DLG1: variants seen among roughly 807,000 people sequenced by gnomAD.
The protein encoded by DLG1 is disks large homolog 1.
Under a neutral mutation model 123.4 loss-of-function variants are expected in DLG1, and 42 were observed. The ratio of observed to expected loss-of-function variants is 0.34; its 90% CI spans 0.27 to 0.44. The LOEUF (loss-of-function observed/expected upper bound fraction) is 0.44, where lower values mean the gene tolerates loss of function less well. DLG1 is among the 20% of genes least tolerant of loss of function. The pLI is 1.00. For missense variants in DLG1, 942 were observed against 1,082.6 expected (o/e 0.87, Z 1.82); for synonymous variants, 317 against 356.2 (o/e 0.89, Z 1.24).
At chr3:197,235,856 A>C (rs968057426) in intron 4 of DLG1, among the ~76,000 whole-genome samples, 9 of 152,222 alleles carry the variant, frequency 5.9e-5, no homozygotes, top group African/African-American at 1.2e-4. Context: ...ATAAAAACTC[A>C]AAAACACTCA....
At chr3:197,106,243 T>C (rs1766271355) in intron 13 of DLG1, among the ~76,000 whole-genome samples, 1 of 152,106 alleles carries the variant, frequency 6.6e-6, no homozygotes, top group Non-Finnish European at 1.5e-5. Context: ...CTGTCTCTAC[T>C]AAAAATACAA....
chr3:197,261,447 A>G (rs982654576), intron 4 of DLG1, among the ~76,000 whole-genome samples: 1 of 152,172 alleles, frequency 6.6e-6, no homozygotes, highest in Admixed American at 6.5e-5. Context: ...GTCTGTAAAA[A>G]CCTTTAAAAT....
chr3:197,105,081 G>T, intron 13 of DLG1, 76 bp from the exon 14 acceptor site: 1 of 899,294 alleles, frequency 1.1e-6, no homozygotes, highest in Non-Finnish European at 1.7e-6. Flanking sequence ...TATTCTTTGA[G>T]TAAGCATGTA....
chr3:197,298,655 G>A, upstream of DLG1: 1 of 174,968 alleles, frequency 5.7e-6, no homozygotes, highest in East Asian at 1.4e-4. Context: ...GGAGCCAACT[G>A]CACCTCCCAG....
intron 4 of DLG1, among the ~76,000 whole-genome samples, chr3:197,268,304 C>T (rs1169568190): frequency 6.6e-6 from 1 of 152,198 alleles, no homozygotes; most frequent in Non-Finnish European, 1.5e-5. Context: ...ATGTGACATA[C>T]TTAAGCTTTC....
chr3:197,069,906 G>A (rs768194345), intron 18 of DLG1: 5 of 152,130 alleles, frequency 3.3e-5, no homozygotes, highest in Non-Finnish European at 5.9e-5. Context: ...GGAAGGCACC[G>A]ATGGTGGCAA....
chr3:197,163,786 C>T (rs1799918446), intron 5 of DLG1, among the ~76,000 whole-genome samples: 1 of 149,220 alleles, frequency 6.7e-6, no homozygotes, highest in Non-Finnish European at 1.5e-5. Flanking sequence ...ATCCACCCAC[C>T]TTGGCCTTCC....
At chr3:197,161,665 G>A in intron 5 of DLG1, 1 of 1,558,696 alleles carries the variant, frequency 6.4e-7, no homozygotes, top group Non-Finnish European at 8.6e-7. Flanking sequence ...TAGGATGACA[G>A]TATTCTCAGC....
At chr3:197,107,757 T>A (rs1460614625) in intron 13 of DLG1, among the ~76,000 whole-genome samples, 1 of 152,094 alleles carries the variant, frequency 6.6e-6, no homozygotes, top group African/African-American at 2.4e-5. Flanking sequence ...TACAAGATTA[T>A]GTCATCTGCA....
intron 13 of DLG1, among the ~76,000 whole-genome samples, chr3:197,111,199 C>T (rs1246684427): frequency 6.6e-6 from 1 of 152,156 alleles, no homozygotes. Context: ...AGCTACTTCC[C>T]TGGACTAGCT....
At chr3:197,260,750 C>CAAAAAAAAAAAAAAAAAAAAAAAAAAA (rs570596943) in intron 4 of DLG1, among the ~76,000 whole-genome samples, 1 of 18,316 alleles carries the variant, frequency 5.5e-5, no homozygotes, top group African/African-American at 2.1e-4. Context: ...TGACAACCAC[C>CAAAAAAAAAAAAAAAAAAAAAAAAAAA]AAAAAAAAAA....
chr3:197,175,523 A>G (rs1040241407), intron 5 of DLG1, among the ~76,000 whole-genome samples: 1 of 152,234 alleles, frequency 6.6e-6, no homozygotes. Flanking sequence ...TTTAAGCCAT[A>G]GTGTTACATA....
chr3:197,049,136 CTGTAA>C lies in DLG1; in HGVS notation c.2575+2436_2575+2440del, dbSNP rs1725461822. Among the ~76,000 whole-genome samples the C allele has an allele frequency of 1.7e-3, 3 of 1,758 alleles. No individual in the cohort carries two copies. In the Admixed American group the frequency reaches 0.019, roughly 11 times the overall value. The allele number at this position is 1,758 out of a possible 152,430, so 1.2% of individuals were successfully genotyped here. On this transcript the variant is annotated intron_variant, in intron 24 of 24. Transcript: ENST00000667157. ...GAGTTTGAGACCAGCACGGCCAACC[CTGTAA>C]CCCTGTCTCTACTAAAAATACAAAA...
chr3:197,230,273 G>A (rs1372625401), intron 4 of DLG1, among the ~76,000 whole-genome samples: 1 of 152,034 alleles, frequency 6.6e-6, no homozygotes, highest in Non-Finnish European at 1.5e-5. Context: ...ATGTAAATAT[G>A]AATTTATTAA....
At chr3:197,253,269 A>G (rs1212073609) in intron 4 of DLG1, among the ~76,000 whole-genome samples, 1 of 152,234 alleles carries the variant, frequency 6.6e-6, no homozygotes, top group Non-Finnish European at 1.5e-5. Context: ...AAGACCATGA[A>G]GAGACATTTC....
At chr3:197,131,987 TTA>T (rs1308763961) in intron 10 of DLG1, among the ~76,000 whole-genome samples, 1 of 152,194 alleles carries the variant, frequency 6.6e-6, no homozygotes, top group African/African-American at 2.4e-5. Flanking sequence ...AAGTGGTAGT[TTA>T]TGTCTTTCTA....
At chr3:197,189,138 A>C (rs567354541) in intron 5 of DLG1, among the ~76,000 whole-genome samples, 2 of 152,356 alleles carry the variant, frequency 1.3e-5, no homozygotes, top group Non-Finnish European at 2.9e-5. Context: ...CTGACTCAGT[A>C]ATCTGACTTC....
chr3:197,079,735 G>A (rs1239161442), intron 17 of DLG1, among the ~76,000 whole-genome samples: 2 of 151,894 alleles, frequency 1.3e-5, no homozygotes, highest in Non-Finnish European at 2.9e-5. Flanking sequence ...TTTTAATATT[G>A]CTTCAGATCA....
chr3:197,212,366 G>A lies in DLG1; in HGVS notation c.319-17777C>T, dbSNP rs921319310. Among the ~76,000 whole-genome samples, 10 of 115,946 alleles carry A rather than the reference G, an allele frequency of 8.6e-5. 2 individuals carry two copies. The highest frequency in any genetic ancestry group is 1.9e-4 in the Non-Finnish European group (9 of 46,768). 76.1% of individuals were successfully genotyped at this position (115,946 alleles called of 152,430 possible). A position where few individuals can be genotyped will look rare whatever the true frequency, so the allele number is the denominator to read the frequency against. On this transcript the variant is annotated intron_variant, in intron 4 of 24. Coordinates refer to ENST00000667157, the MANE Select transcript of DLG1 (RefSeq NM_001366207.1). The stretch of plus-strand genomic sequence containing the variant: ...GTGGCTGGAAGGCAGGCAAAAGAAA[G>A]TAAAAGTGTAACAGCCAGTAAAGAT...
Sources: allele counts gnomAD v4.1 joint callset (sites outside exome capture counted in the v4.1 genomes callset), GRCh38; gene constraint gnomAD v4.1.1; transcripts MANE v1.5; gene names NCBI Gene and HGNC (gene_info 2026-07-23, HGNC 2026-07-21).